CDH15: variants seen among roughly 807,000 people sequenced by gnomAD.
CDH15 encodes cadherin-15.
CDH15 carries 73 observed loss-of-function variants against 69.4 expected under a neutral mutation model. That is an observed-to-expected ratio of 1.05 (90% CI 0.87 to 1.28). The LOEUF (loss-of-function observed/expected upper bound fraction) is 1.28. CDH15 is among the 50% of genes most tolerant of loss of function. The pLI is 0.00. For synonymous variants in CDH15, 624 were observed against 507.7 expected, an observed-to-expected ratio of 1.23 and a Z score of -3.08; for missense variants, 1,343 against 1,133.6, an observed-to-expected ratio of 1.18 and a Z score of -2.65.
intron 3 of CDH15, among the ~76,000 whole-genome samples, chr16:89,181,774 C>T (rs1397225902): frequency 6.6e-6 from 1 of 151,886 alleles, no homozygotes; most frequent in African/African-American, 2.4e-5. Context: ...CCCGTCTCTA[C>T]TAAAAAATAC....
rs756821141 is a variant in CDH15, at chr16:89,190,474, A to C, written c.1210A>C (p.Thr404Pro). Reference sequence around the variant, plus strand: ...CACCTTCTCTGCCCGGGACCCTGACACAGAGCAGCTGCAGAGGCTCAGGTG... The same window carrying C: ...CACCTTCTCTGCCCGGGACCCTGACCCAGAGCAGCTGCAGAGGCTCAGGTG... ...VATFSARDPD[T>P]EQLQRLSYSK... The change falls in exon 8 of 14, where the codon ACA becomes CCA. Residue 404 changes from threonine (T) to proline (P), a missense_variant. Transcript: ENST00000289746. 18 of 1,598,222 alleles carry C rather than the reference A, an allele frequency of 1.1e-5. No individual in the cohort carries two copies. The highest frequency in any genetic ancestry group is 1.0e-5 in the Non-Finnish European group (12 of 1,173,672).
At chr16:89,179,876 C>T (rs112865449) in intron 2 of CDH15, among the ~76,000 whole-genome samples, 4 of 152,244 alleles carry the variant, frequency 2.6e-5, no homozygotes, top group African/African-American at 9.6e-5. Context: ...TGCGTGTTCG[C>T]CGACGCTGAG....
At chr16:89,183,466 T>C in intron 3 of CDH15, 82 bp from the exon 4 acceptor site, 1 of 1,505,354 alleles carries the variant, frequency 6.6e-7, no homozygotes, top group East Asian at 2.3e-5. Context: ...AGTCTGAACG[T>C]GCTGTCTCTT....
intron 1 of CDH15, among the ~76,000 whole-genome samples, chr16:89,175,358 T>G (rs1399067004): frequency 6.6e-6 from 1 of 152,218 alleles, no homozygotes; most frequent in African/African-American, 2.4e-5. Flanking sequence ...CCCATGCCCA[T>G]GCCTAGCCCA....
Position 89,179,418 on chromosome 16 carries a change from C to T in CDH15, c.45C>T (p.Ser15=). ...GGACGCATCTGTCTTTGTTGCAGAG[C>T]CTCTGCCTGTCTTTGGGGGTTCCTG... is the stretch of plus-strand genomic sequence containing the variant. The part of the protein sequence containing the change: ...FLLVLGLLAQ[S]LCLSLGVPGW... The change falls in exon 2 of 14, where the codon AGC becomes AGT. Residue 15 remains serine, a splice_region_variant and synonymous_variant. Transcript: ENST00000289746. The T allele has an allele frequency of 1.2e-6, 2 of 1,613,612 alleles. No individual in the cohort carries two copies. Among genetic ancestry groups the T allele is most frequent in the Non-Finnish European group, 1.7e-6 (2 of 1,179,900 alleles).
In CDH15 at chr16:89,192,385, G is replaced by C; in HGVS notation, c.1796G>C (p.Gly599Ala). Residue 599 changes from glycine (G) to alanine (A), a missense_variant, in exon 11 of 14, where the codon GGC (glycine) becomes GCC (alanine). By Grantham distance (60) the Gly-to-Ala change is moderately conservative (BLOSUM62 0). Transcript: ENST00000289746. ...GGGGCCGCAGCGCTGCTGGCGGGGGGCACAGGCCTCAGCCTGGGCGCACTG... is the reference window on the plus strand; with the variant it reads ...GGGGCCGCAGCGCTGCTGGCGGGGGCCACAGGCCTCAGCCTGGGCGCACTG... ...LPGAAALLAG[G>A]TGLSLGALVI... 5 of 1,537,980 alleles carry C rather than the reference G, an allele frequency of 3.3e-6. No homozygotes were observed. Among genetic ancestry groups the C allele is most frequent in the Non-Finnish European group, 4.4e-6 (5 of 1,148,442 alleles).
intron 2 of CDH15, 52 bp downstream of exon 2, chr16:89,179,626 T>C (rs772607179): frequency 1.3e-6 from 2 of 1,495,310 alleles, no homozygotes; most frequent in Admixed American, 2.2e-5. Context: ...TGGTCCCCAG[T>C]GGGCCTCCCT....
chr16:89,171,941 G>A, intron 1 of CDH15, 68 bp downstream of exon 1: 8 of 1,457,948 alleles, frequency 5.5e-6, no homozygotes, highest in Non-Finnish European at 7.4e-6. Flanking sequence ...GTCTTCAACT[G>A]CAGCCGCACA....
At chr16:89,183,936 G>A (rs2151600500) in intron 4 of CDH15, among the ~76,000 whole-genome samples, 1 of 152,222 alleles carries the variant, frequency 6.6e-6, no homozygotes, top group East Asian at 1.9e-4. Flanking sequence ...TCCCCCAAAA[G>A]CAAATGACTT....
In CDH15 at chr16:89,191,910, C is replaced by G. The variant is rs758356745; in HGVS notation, c.1615+16C>G. 6.5e-7 allele frequency: 1 copy of G among 1,536,490 alleles called. No individual in the cohort carries two copies. Among genetic ancestry groups the G allele is most frequent in the African/African-American group, 1.4e-5 (1 of 73,226 alleles). On this transcript the variant is annotated intron_variant, in intron 10 of 13. Transcript: ENST00000289746. ...CAGGTCAACGGTGCGCTCCCCTCAC[C>G]GCCGCGCTCCCCCCATCCCCACGCT...
chr16:89,180,602 G>A (rs534669828), intron 3 of CDH15, among the ~76,000 whole-genome samples: 7 of 152,228 alleles, frequency 4.6e-5, no homozygotes, highest in African/African-American at 9.6e-5. Flanking sequence ...GTGGAGGAGC[G>A]GCTTGGTTCT....
intron 3 of CDH15, among the ~76,000 whole-genome samples, chr16:89,182,304 C>T (rs1207397893): frequency 7.2e-6 from 1 of 139,246 alleles, no homozygotes; most frequent in Non-Finnish European, 1.5e-5. Context: ...CTCTCCCAGC[C>T]TGCCCTCTCC....
chr16:89,194,828 C>G, intron 13 of CDH15, 34 bp from the exon 14 acceptor site: 1 of 1,578,322 alleles, frequency 6.3e-7, no homozygotes, highest in Non-Finnish European at 8.6e-7. Flanking sequence ...GCTGGCCCCT[C>G]CATGTGTCTT....
chr16:89,186,666 C>T (rs112909324), intron 5 of CDH15, among the ~76,000 whole-genome samples: 12 of 123,114 alleles, frequency 9.7e-5, no homozygotes, highest in African/African-American at 3.0e-4. Flanking sequence ...GCTCTGTAAA[C>T]GCTCACCCAG....
In CDH15 at chr16:89,185,329, G is replaced by C; in HGVS notation, c.659G>C (p.Arg220Pro). ...CGCACAGTGCAAGTGGGGCTGGACC[G>C]CGAGGTGAGGTGGCGCCCCGGCAGC... ...EIRTVQVGLD[R>P]EVVAVYNLTL... The change falls in exon 5 of 14, where the codon CGC becomes CCC. Residue 220 changes from arginine to proline, a missense_variant. Physicochemically the swap from Arg to Pro is moderately radical, Grantham distance 103. Transcript: ENST00000289746. The C allele has an allele frequency of 1.3e-6, 2 of 1,599,974 alleles. No homozygotes were observed. Among genetic ancestry groups the C allele is most frequent in the Non-Finnish European group, 1.7e-6 (2 of 1,173,622 alleles).
intron 1 of CDH15, among the ~76,000 whole-genome samples, chr16:89,175,730 G>GCCT (rs746735194): frequency 4.8e-4 from 73 of 152,358 alleles, no homozygotes; most frequent in Non-Finnish European, 9.6e-4. Flanking sequence ...CAGGCTCCGA[G>GCCT]GCCAGGGCCG....
chr16:89,190,140 C>A (rs1915603236), intron 7 of CDH15, 103 bp from the exon 8 acceptor site: 1 of 1,381,728 alleles, frequency 7.2e-7, no homozygotes, highest in African/African-American at 1.4e-5. Flanking sequence ...AAGGAAAGTA[C>A]AGGTGCTCTG....
At chr16:89,183,487 C>G (rs1915419442) in intron 3 of CDH15, 61 bp from the exon 4 acceptor site, 1 of 1,603,852 alleles carries the variant, frequency 6.2e-7, no homozygotes, top group Non-Finnish European at 8.5e-7. Context: ...TCGCATGGCC[C>G]TAACGGGAGC....
rs1450875340 is a variant in CDH15, at chr16:89,195,374, C to T, written c.*219C>T. 2 of 582,126 alleles carry T rather than the reference C, an allele frequency of 3.4e-6. No homozygotes were observed. The highest frequency in any genetic ancestry group is 1.9e-5 in the African/African-American group (1 of 53,706). The allele number at this position is 582,126 out of a possible 1,614,324, so 36.1% of individuals were successfully genotyped here. On this transcript the variant is annotated 3_prime_UTR_variant, in exon 14 of 14. Coordinates refer to ENST00000289746, the MANE Select transcript of CDH15 (RefSeq NM_004933.3). ...GGGAAGAGTTTCTCTCCATCGGCCC[C>T]ATGCGGGTCACCTCCCTAGTCCCAC... is the stretch of plus-strand genomic sequence containing the variant.
Sources: allele counts gnomAD v4.1 joint callset (sites outside exome capture counted in the v4.1 genomes callset), GRCh38; gene constraint gnomAD v4.1.1; transcripts MANE v1.5; gene names NCBI Gene and HGNC (gene_info 2026-07-23, HGNC 2026-07-21).